NCAN: variants seen among roughly 807,000 people sequenced by gnomAD.
NCAN encodes the protein neurocan.
Under a neutral mutation model 121.8 loss-of-function variants are expected in NCAN, and 47 were observed. The ratio of observed to expected loss-of-function variants is 0.39; its 90% CI spans 0.31 to 0.49. NCAN has a LOEUF of 0.49. Among genes scored for constraint, NCAN ranks in the 20% least tolerant of loss-of-function variants. The pLI is 0.92. For synonymous variants in NCAN, 633 were observed against 702.0 expected, an observed-to-expected ratio of 0.90 and a Z score of 1.55; for missense variants, 1,517 against 1,773.4, an observed-to-expected ratio of 0.86 and a Z score of 2.60.
rs377544164 is a variant in NCAN at position 19,226,801 on chromosome 19, C to T, written c.1388C>T (p.Ala463Val). 1.9e-6 allele frequency: 3 copies of T among 1,613,374 alleles called. No homozygotes were observed. The highest frequency in any genetic ancestry group is 2.5e-6 in the Non-Finnish European group (3 of 1,179,984). ...PSPSDMGAGT[A>V]ASSHTEVAPT... ...CCTAGCGACATGGGGGCAGGCACTG[C>T]AGCAAGTTCACACACGGAGGTGGCC... is the stretch of plus-strand genomic sequence containing the variant. The change falls in exon 7 of 15, where the codon GCA becomes GTA. Residue 463 changes from alanine to valine, a missense_variant. Transcript: ENST00000252575.
intron 6 of NCAN, 145 bp from the exon 7 acceptor site, chr19:19,226,341 C>A: frequency 1.5e-6 from 1 of 647,058 alleles, no homozygotes; most frequent in Non-Finnish European, 2.5e-6. Context: ...CTCTCCCAGG[C>A]TGGGGGAATC....
chr19:19,248,451 G>T (rs190682963), intron 13 of NCAN, among the ~76,000 whole-genome samples: 38 of 150,656 alleles, frequency 2.5e-4, no homozygotes, highest in Non-Finnish European at 5.9e-5. Flanking sequence ...TCTCAAAAAA[G>T]GAACAAAAAA....
chr19:19,249,045 TTGTGTGTG>T (rs112544518), intron 14 of NCAN, 163 bp downstream of exon 14: 69,391 of 548,350 alleles, frequency 0.13, 2,810 homozygotes, highest in African/African-American at 0.21. Context: ...TTTCCTTCAT[TTGTGTGTG>T]TGTGTGTGTG....
At chr19:19,231,818 A>G (rs1450963571) in intron 8 of NCAN, among the ~76,000 whole-genome samples, 1 of 151,924 alleles carries the variant, frequency 6.6e-6, no homozygotes, top group Non-Finnish European at 1.5e-5. Flanking sequence ...CGTCTCTACA[A>G]AACAAATTTT....
At chr19:19,241,084 C>T (rs1023286747) in intron 12 of NCAN, among the ~76,000 whole-genome samples, 51 of 151,906 alleles carry the variant, frequency 3.4e-4, no homozygotes, top group South Asian at 6.2e-4. Flanking sequence ...GGTGAAACCC[C>T]GTCTCTACTA....
In NCAN at chr19:19,219,023, T is replaced by C. The variant is rs1392462557; in HGVS notation, c.182T>C (p.Phe61Ser). ...GAGCTGGTGGCCCTGCCCTGTCTCT[T>C]TACCCTGCAGCCACGGCCAAGCGCA... The part of the protein sequence containing the change: ...LAELVALPCL[F>S]TLQPRPSAAR... Residue 61 changes from phenylalanine (F) to serine (S), a missense_variant, in exon 3 of 15, where the codon TTT (phenylalanine) becomes TCT (serine). Phe to Ser is a radical substitution (Grantham distance 155). Coordinates refer to ENST00000252575, the MANE Select transcript of NCAN (RefSeq NM_004386.3). The C allele has an allele frequency of 1.9e-6, 3 of 1,610,948 alleles. No individual in the cohort carries two copies. The Admixed American group carries it at 5.0e-5, about 27-fold the overall frequency.
In NCAN at chr19:19,224,338, A is replaced by G; in HGVS notation, c.683A>G (p.Tyr228Cys). ...ATCACCCAGTCCCGTCCTGGTTGCT[A>G]TGGCGACCGTAGCAGCCTTCCAGGG... is the stretch of plus-strand genomic sequence containing the variant. ...YPITQSRPGC[Y>C]GDRSSLPGVR... is the part of the protein sequence containing the mutation. Residue 228 changes from tyrosine (Y) to cysteine (C), a missense_variant, in exon 5 of 15, where the codon TAT (tyrosine) becomes TGT (cysteine). Tyr to Cys is a radical substitution (Grantham distance 194). Transcript: ENST00000252575. 2.5e-6 allele frequency: 4 copies of G among 1,614,036 alleles called. No individual in the cohort carries two copies. The highest frequency in any genetic ancestry group is 3.4e-6 in the Non-Finnish European group (4 of 1,179,954).
At position 19,226,613 on chromosome 19, in the gene NCAN, C is replaced by T. The variant is rs1386894266; in HGVS notation, c.1200C>T (p.Val400=). Residue 400 remains valine (V), a synonymous_variant, in exon 7 of 15, where the codon GTC becomes GTT. Coordinates refer to ENST00000252575, the MANE Select transcript of NCAN (RefSeq NM_004386.3). ...LEPTLEEEEV[V]TPDFQEPLVS... is the part of the protein sequence containing the mutation. ...CCACCCTGGAGGAGGAAGAGGTGGT[C>T]ACCCCTGACTTCCAGGAGCCTCTGG... is the stretch of plus-strand genomic sequence containing the variant. 41 of 1,613,820 alleles carry T rather than the reference C, an allele frequency of 2.5e-5. No homozygotes were observed. In the East Asian group the frequency reaches 8.7e-4, roughly 34 times the overall value.
chr19:19,238,220 AG>A (rs2060889084), intron 10 of NCAN, 32 bp from the exon 11 acceptor site: 3 of 1,613,016 alleles, frequency 1.9e-6, no homozygotes, highest in Non-Finnish European at 1.7e-6. Flanking sequence ...GGCCAAGGCC[AG>A]CCCCCCCTCA....
intron 1 of NCAN, among the ~76,000 whole-genome samples, chr19:19,214,884 G>A (rs1281851024): frequency 1.3e-5 from 2 of 152,116 alleles, no homozygotes; most frequent in Non-Finnish European, 2.9e-5. Flanking sequence ...CAGCCATGAG[G>A]GGACCCCACA....
chr19:19,215,171 C>T lies in NCAN; in HGVS notation c.-7-1776C>T, dbSNP rs2060791990. Among the ~76,000 whole-genome samples, 4 of 152,178 alleles carry T rather than the reference C, an allele frequency of 2.6e-5. No homozygotes were observed. The East Asian group carries it at 7.7e-4, about 29-fold the overall frequency. ...CCCAGGCCGGCCTCCCAGCAGGGGA[C>T]TCTGGGAGCTGGGAAGGAGAACTGG... On this transcript the variant is annotated intron_variant, in intron 1 of 14. Transcript: ENST00000252575.
chr19:19,245,623 A>G (rs2060921686), intron 13 of NCAN, among the ~76,000 whole-genome samples, 166 bp downstream of exon 13: 1 of 151,990 alleles, frequency 6.6e-6, no homozygotes. Flanking sequence ...GACTATAGGC[A>G]TGCACCAACA....
In NCAN at chr19:19,217,548, T is replaced by C. The variant is rs72999007; in HGVS notation, c.73+522T>C. 4.5e-3 allele frequency among the ~76,000 whole-genome samples: 679 copies of C among 152,348 alleles called. 2 individuals are homozygous for C. The highest frequency in any genetic ancestry group is 7.7e-3 in the Non-Finnish European group (521 of 68,038). On this transcript the variant is annotated intron_variant, in intron 2 of 14. Coordinates refer to ENST00000252575, the MANE Select transcript of NCAN (RefSeq NM_004386.3). ...TGCTATAAAGTGCCTGTTACAAAGA[T>C]GGTACTCTGCAAACACCATTTCCTT...
At chr19:19,218,538 C>A (rs1226772167) in intron 2 of NCAN, among the ~76,000 whole-genome samples, 1 of 151,540 alleles carries the variant, frequency 6.6e-6, no homozygotes, top group African/African-American at 2.4e-5. Flanking sequence ...AATGGTGCGA[C>A]CTTGGCTCAC....
Position 19,233,892 on chromosome 19 carries a change from G to A in NCAN, c.3123G>A (p.Glu1041=), listed in dbSNP as rs532020285. 5.0e-6 allele frequency: 8 copies of A among 1,609,554 alleles called. No homozygotes were observed. The East Asian group carries it at 6.7e-5, about 13-fold the overall frequency. Residue 1041 remains glutamate (E), a synonymous_variant, in exon 9 of 15, where the codon GAG becomes GAA. Coordinates refer to ENST00000252575, the MANE Select transcript of NCAN (RefSeq NM_004386.3). ...GCSCDQGFAG[E]NCEIDIDDCL... ...GCTGTGATCAGGGCTTCGCCGGGGA[G>A]AACTGTGAGATTGGTGAGTACCCCA...
At chr19:19,233,738 G>T in intron 8 of NCAN, 51 bp from the exon 9 acceptor site, 1 of 1,212,210 alleles carries the variant, frequency 8.2e-7, no homozygotes, top group Non-Finnish European at 1.2e-6. Flanking sequence ...TTCCAGGAAG[G>T]CAAAAGATCT....
intron 2 of NCAN, among the ~76,000 whole-genome samples, chr19:19,217,334 C>T (rs774869291): frequency 2.6e-5 from 4 of 152,034 alleles, no homozygotes; most frequent in Non-Finnish European, 2.9e-5. Context: ...AAGGGTGGAG[C>T]GATGGAAATA....
rs2060833756 is a variant in NCAN at position 19,225,624 on chromosome 19, C to T, written c.1072+354C>T. ...AGCCACGCCCATACGCAGAAACACC[C>T]CCGTGGAAGAGATAATGCCTCAATT... On this transcript the variant is annotated intron_variant, in intron 6 of 14. Coordinates refer to ENST00000252575, the MANE Select transcript of NCAN (RefSeq NM_004386.3). The surrounding 1 kb of genome is among the most constrained non-coding windows in gnomAD (Gnocchi z 4.0). Among the ~76,000 whole-genome samples the T allele has an allele frequency of 6.6e-6, 1 of 152,222 alleles. No individual in the cohort carries two copies. Among genetic ancestry groups the T allele is most frequent in the Admixed American group, 6.5e-5 (1 of 15,280 alleles).
In NCAN at chr19:19,226,795, G is replaced by A. The variant is rs571657056; in HGVS notation, c.1382G>A (p.Gly461Asp). ...CCCAGCCCTAGCGACATGGGGGCAG[G>A]CACTGCAGCAAGTTCACACACGGAG... is the stretch of plus-strand genomic sequence containing the variant. ...VAPSPSDMGA[G>D]TAASSHTEVA... The change falls in exon 7 of 15, where the codon GGC (glycine) becomes GAC (aspartate). Residue 461 changes from glycine to aspartate, a missense_variant. Physicochemically the swap from Gly to Asp is moderately conservative, Grantham distance 94 (BLOSUM62 -1). Coordinates refer to ENST00000252575, the MANE Select transcript of NCAN (RefSeq NM_004386.3). 1 of 1,613,394 alleles carries A rather than the reference G, an allele frequency of 6.2e-7. No individual in the cohort carries two copies. The highest frequency in any genetic ancestry group is 8.5e-7 in the Non-Finnish European group (1 of 1,179,980).
Sources: allele counts gnomAD v4.1 joint callset (sites outside exome capture counted in the v4.1 genomes callset), GRCh38; gene constraint gnomAD v4.1.1; non-coding constraint Gnocchi (gnomAD v3.1); transcripts MANE v1.5; gene names NCBI Gene and HGNC (gene_info 2026-07-23, HGNC 2026-07-21).